The following GRM5 variants were observed in gnomAD, a reference collection of about 807,000 sequenced individuals.
GRM5 encodes the protein glutamate metabotropic receptor 5, also known as metabotropic glutamate receptor 5.
GRM5 carries 19 observed loss-of-function variants against 83.1 expected under a neutral mutation model. That is an observed-to-expected ratio of 0.23 (90% CI 0.16 to 0.34). The LOEUF (loss-of-function observed/expected upper bound fraction) is 0.34. Among genes scored for constraint, GRM5 ranks in the 10% least tolerant of loss-of-function variants. The pLI, the probability that GRM5 is intolerant of heterozygous loss-of-function variation, is 1.00. For synonymous variants in GRM5, 675 were observed against 633.6 expected (o/e 1.07, Z -0.98); for missense variants, 1,160 against 1,588.3 (o/e 0.73, Z 4.58).
At chr11:88,611,562 T>G (rs1044433399) in intron 4 of GRM5, among the ~76,000 whole-genome samples, 5 of 152,166 alleles carry the variant, frequency 3.3e-5, no homozygotes, top group African/African-American at 7.2e-5. Context: ...AGTTGTAATG[T>G]CCCTTTGTCA....
chr11:88,708,330 G>T (rs1286650859), intron 3 of GRM5, among the ~76,000 whole-genome samples: 2 of 151,920 alleles, frequency 1.3e-5, no homozygotes, highest in Non-Finnish European at 2.9e-5. Context: ...ATGAAACAGG[G>T]AATAATTTTT....
In GRM5 at chr11:89,057,370, C is replaced by T. The variant is rs532571845; in HGVS notation, c.-201+8406G>A. On this transcript the variant is annotated intron_variant, in intron 1 of 9. Coordinates refer to ENST00000305447, the MANE Select transcript of GRM5 (RefSeq NM_001143831.3). ...CTATCTCAATCACACATTTGTGACCCTGTAAACAAGAAAATGCAGCATCCC... is the reference window on the plus strand; with the variant it reads ...CTATCTCAATCACACATTTGTGACCTTGTAAACAAGAAAATGCAGCATCCC... Among the ~76,000 whole-genome samples the T allele has an allele frequency of 2.6e-5, 4 of 152,176 alleles. No individual in the cohort carries two copies. The East Asian group carries it at 7.7e-4, about 29-fold the overall frequency.
chr11:89,060,721 A>G (rs1941974677), intron 1 of GRM5, among the ~76,000 whole-genome samples: 1 of 152,140 alleles, frequency 6.6e-6, no homozygotes, highest in Non-Finnish European at 1.5e-5. Flanking sequence ...ATTTAAAGGA[A>G]ATGAAAGCAA....
intron 2 of GRM5, among the ~76,000 whole-genome samples, chr11:88,892,872 G>A (rs569282556): frequency 6.6e-6 from 1 of 152,104 alleles, no homozygotes; most frequent in East Asian, 1.9e-4. Context: ...AAAGTGAGTA[G>A]GGTGCCCATA....
intron 2 of GRM5, among the ~76,000 whole-genome samples, chr11:88,924,345 A>T (rs553743115): frequency 4.3e-4 from 66 of 152,238 alleles, no homozygotes; most frequent in Middle Eastern, 3.4e-3. Flanking sequence ...TTGTAGAAAG[A>T]TCTACATTCC....
rs143922345 is a variant in GRM5, at chr11:88,626,518, G to A, written c.1148-21554C>T. 5.9e-3 allele frequency among the ~76,000 whole-genome samples: 894 copies of A among 152,076 alleles called. 2 individuals are homozygous for A. Among genetic ancestry groups the A allele is most frequent in the Non-Finnish European group, 0.01 (695 of 67,990 alleles). On this transcript the variant is annotated intron_variant, in intron 4 of 9. Transcript: ENST00000305447. ...TAGATTTACATTCTTTTATGTGTTC[G>A]GAAGTGTTGTGATTCTTGGCTCTGT...
chr11:88,566,984 A>G (rs538277355), intron 8 of GRM5, 69 bp downstream of exon 8: 182 of 1,001,158 alleles, frequency 1.8e-4, no homozygotes, highest in Non-Finnish European at 2.4e-4. Flanking sequence ...CATTTAAAAG[A>G]CCCAGGAAAC....
At chr11:88,966,612 T>C (rs950593060) in intron 2 of GRM5, among the ~76,000 whole-genome samples, 5 of 152,156 alleles carry the variant, frequency 3.3e-5, no homozygotes, top group Admixed American at 6.5e-5. Flanking sequence ...GGTTATACTG[T>C]TCCTACTCTA....
At chr11:88,624,342 G>A (rs1477840635) in intron 4 of GRM5, among the ~76,000 whole-genome samples, 1 of 152,118 alleles carries the variant, frequency 6.6e-6, no homozygotes, top group East Asian at 1.9e-4. Context: ...TGTAGAGAAA[G>A]AATCACCAGA....
At chr11:88,539,675 T>A (rs1487889959) in intron 8 of GRM5, among the ~76,000 whole-genome samples, 1 of 152,198 alleles carries the variant, frequency 6.6e-6, no homozygotes, top group Non-Finnish European at 1.5e-5. Context: ...ATTAATTCTT[T>A]TAAGTTAATG....
At chr11:88,864,378 CAG>C (rs1944622905) in intron 2 of GRM5, among the ~76,000 whole-genome samples, 1 of 151,794 alleles carries the variant, frequency 6.6e-6, no homozygotes, top group African/African-American at 2.4e-5. Flanking sequence ...ATTACAATGA[CAG>C]AGTTTAAAAT....
intron 8 of GRM5, among the ~76,000 whole-genome samples, chr11:88,559,805 T>G (rs160195): frequency 0.51 from 78,105 of 152,040 alleles, 23,380 homozygotes; most frequent in African/African-American, 0.84. Context: ...CTGTGGCGAG[T>G]CTAGAGATGA....
chr11:88,802,289 T>C (rs1943412104), intron 3 of GRM5, among the ~76,000 whole-genome samples: 1 of 152,124 alleles, frequency 6.6e-6, no homozygotes, highest in African/African-American at 2.4e-5. Context: ...TCAACCTAAG[T>C]ATCCATCAAC....
At chr11:88,755,103 T>C (rs563788681) in intron 3 of GRM5, among the ~76,000 whole-genome samples, 83 of 152,176 alleles carry the variant, frequency 5.5e-4, no homozygotes, top group Non-Finnish European at 9.0e-4. Context: ...AGAAATATAA[T>C]GGATTAACAA....
chr11:88,785,109 A>G (rs1168871077), intron 3 of GRM5, among the ~76,000 whole-genome samples: 1 of 152,074 alleles, frequency 6.6e-6, no homozygotes, highest in Non-Finnish European at 1.5e-5. Flanking sequence ...TTCCAAATGT[A>G]TTCTGCAGAG....
At chr11:89,055,990 A>G (rs1476231170) in intron 1 of GRM5, among the ~76,000 whole-genome samples, 1 of 152,164 alleles carries the variant, frequency 6.6e-6, no homozygotes, top group Non-Finnish European at 1.5e-5. Context: ...CAGAGCCAAG[A>G]GTCACATTTA....
At chr11:88,643,031 T>C (rs1939338186) in intron 4 of GRM5, among the ~76,000 whole-genome samples, 1 of 152,050 alleles carries the variant, frequency 6.6e-6, no homozygotes, top group Non-Finnish European at 1.5e-5. Context: ...GATACCAATT[T>C]CCTGTGTTAG....
intron 2 of GRM5, among the ~76,000 whole-genome samples, chr11:88,935,305 G>C (rs568766509): frequency 1.4e-4 from 21 of 151,882 alleles, no homozygotes; most frequent in African/African-American, 4.8e-4. Flanking sequence ...GTTTAGAATA[G>C]TGAAGAAAGA....
chr11:88,745,570 T>C (rs1942120320), intron 3 of GRM5, among the ~76,000 whole-genome samples: 1 of 152,190 alleles, frequency 6.6e-6, no homozygotes. Flanking sequence ...CTTGGCCTTG[T>C]AGATCTTGTA....
Sources: allele counts gnomAD v4.1 joint callset (sites outside exome capture counted in the v4.1 genomes callset), GRCh38; gene constraint gnomAD v4.1.1; transcripts MANE v1.5; gene names NCBI Gene and HGNC (gene_info 2026-07-23, HGNC 2026-07-21).